The following MYO16 variants were observed in gnomAD, a reference collection of about 807,000 sequenced individuals.
MYO16 encodes the protein unconventional myosin-XVI.
MYO16 carries 94 observed loss-of-function variants against 205.3 expected under a neutral mutation model. The observed-to-expected ratio is 0.46, with a 90% CI of 0.39 to 0.54. MYO16 has a LOEUF of 0.54. Among genes scored for constraint, MYO16 ranks in the 20% least tolerant of loss-of-function variants. The probability of loss-of-function intolerance (pLI) is 0.00; values close to 1 mark genes in which losing one functional copy is unlikely to be tolerated. For synonymous variants in MYO16, 988 were observed against 954.0 expected (o/e 1.04, Z -0.66); for missense variants, 2,315 against 2,387.5 (o/e 0.97, Z 0.63).
intron 27 of MYO16, among the ~76,000 whole-genome samples, chr13:109,074,528 A>G (rs1047684110): frequency 6.6e-6 from 1 of 152,146 alleles, no homozygotes; most frequent in Non-Finnish European, 1.5e-5. Context: ...AAGCCCTCAG[A>G]TCTTGTGAGA....
At chr13:108,927,409 G>A (rs1210711123) in intron 16 of MYO16, among the ~76,000 whole-genome samples, 1 of 152,062 alleles carries the variant, frequency 6.6e-6, no homozygotes, top group Non-Finnish European at 1.5e-5. Flanking sequence ...TAATGGGCCT[G>A]GGGCATGAGC....
chr13:108,890,631 C>T (rs896937675), intron 14 of MYO16, among the ~76,000 whole-genome samples: 4 of 152,126 alleles, frequency 2.6e-5, no homozygotes, highest in East Asian at 3.9e-4. Context: ...CTATCTAGTT[C>T]GGACTCATTG....
chr13:108,967,192 T>C (rs1193673172), intron 20 of MYO16, among the ~76,000 whole-genome samples: 4 of 152,102 alleles, frequency 2.6e-5, no homozygotes, highest in Admixed American at 6.5e-5. Context: ...TATGTATTTG[T>C]AAATTTGGCA....
chr13:108,688,316 C>A (rs775269982), intron 2 of MYO16, among the ~76,000 whole-genome samples: 1 of 152,056 alleles, frequency 6.6e-6, no homozygotes, highest in African/African-American at 2.4e-5. Flanking sequence ...AAGTCGGAAA[C>A]GTTAACTAAA....
At position 108,846,421 on chromosome 13, in the gene MYO16, A is replaced by T. The variant is rs554222985; in HGVS notation, c.1248+1928A>T. The stretch of plus-strand genomic sequence containing the variant: ...GGGTGCTTTCTCTTGTTATATATAA[A>T]CCCATTACTGCTCACCTTTAGCTTT... On this transcript the variant is annotated intron_variant, in intron 10 of 34. Transcript: ENST00000457511. Among the ~76,000 whole-genome samples, 4 of 152,076 alleles carry T rather than the reference A, an allele frequency of 2.6e-5. No homozygotes were observed. In the East Asian group the frequency reaches 7.7e-4, roughly 29 times the overall value.
In MYO16 at chr13:108,800,972, G is replaced by GA. The variant is rs566794977; in HGVS notation, c.742-5700dup. The stretch of plus-strand genomic sequence containing the variant: ...AAAGACCCTTACAATGTAAAAATAT[G>GA]AAAAAAACACAGAAATGTTAATATC... On this transcript the variant is annotated intron_variant, in intron 6 of 34. Transcript: ENST00000457511. Among the ~76,000 whole-genome samples, 810 of 152,016 alleles carry GA rather than the reference G, an allele frequency of 5.3e-3. 5 individuals carry two copies. The highest frequency in any genetic ancestry group is 8.7e-3 in the Non-Finnish European group (589 of 67,946).
chr13:108,692,494 T>C (rs1882936619), intron 2 of MYO16, among the ~76,000 whole-genome samples: 1 of 152,224 alleles, frequency 6.6e-6, no homozygotes. Flanking sequence ...GACAGATAGA[T>C]TGCTCCTGCA....
At chr13:108,994,502 T>A (rs1884940717) in intron 21 of MYO16, among the ~76,000 whole-genome samples, 2 of 152,182 alleles carry the variant, frequency 1.3e-5, no homozygotes, top group Admixed American at 1.3e-4. Flanking sequence ...TAATTTTTTT[T>A]AAGACCATTG....
At chr13:108,967,523 G>C (rs1264432330) in intron 20 of MYO16, among the ~76,000 whole-genome samples, 1 of 152,134 alleles carries the variant, frequency 6.6e-6, no homozygotes, top group African/African-American at 2.4e-5. Flanking sequence ...CTACTGGGGT[G>C]TTGTCCTCTG....
chr13:108,636,350 TTTTTTTTTTTTTTTTTTTTTGTGTGTG>T (rs1210772844), intron 1 of MYO16, among the ~76,000 whole-genome samples: 5 of 22,522 alleles, frequency 2.2e-4, no homozygotes, highest in African/African-American at 8.3e-4. Flanking sequence ...ATTTCCCTTT[TTTTTTTTTTTTTTTTTTTTTGTGTGTG>T]TGTGTGTGTG....
chr13:109,073,275 T>C (rs1887984369), intron 27 of MYO16, among the ~76,000 whole-genome samples: 1 of 151,734 alleles, frequency 6.6e-6, no homozygotes, highest in African/African-American at 2.4e-5. Context: ...CTAATTTTTT[T>C]TTTTTTTGTA....
At chr13:108,544,180 T>C in the MYO16 span, among the ~76,000 whole-genome samples, 1 of 152,098 alleles carries the variant, frequency 6.6e-6, no homozygotes, top group Non-Finnish European at 1.5e-5. Context: ...TATTAATATG[T>C]TTAAATTAAT....
intron 31 of MYO16, among the ~76,000 whole-genome samples, chr13:109,128,768 GTTT>G (rs1172405612): frequency 8.7e-6 from 1 of 115,012 alleles, no homozygotes; most frequent in Non-Finnish European, 1.8e-5. Flanking sequence ...CACTTTTTTA[GTTT>G]TTTTTTTTTT....
At chr13:109,073,663 A>AT (rs1887998159) in intron 27 of MYO16, among the ~76,000 whole-genome samples, 2 of 152,006 alleles carry the variant, frequency 1.3e-5, no homozygotes, top group South Asian at 4.1e-4. Flanking sequence ...TGTATTATCA[A>AT]TTTTTTCTGA....
At chr13:108,888,343 C>G in intron 13 of MYO16, 29 bp from the exon 14 acceptor site, 1 of 1,502,702 alleles carries the variant, frequency 6.7e-7, no homozygotes, top group Middle Eastern at 1.8e-4. Context: ...TTCCTTCAAA[C>G]TTATGTTTTT....
At chr13:108,808,676 T>C (rs190087109) in intron 7 of MYO16, among the ~76,000 whole-genome samples, 1 of 152,170 alleles carries the variant, frequency 6.6e-6, no homozygotes, top group East Asian at 1.9e-4. Context: ...TAGTAAGAAT[T>C]GAGAGACAAG....
Position 109,127,599 on chromosome 13 carries a change from T to A in MYO16, c.4051+49T>A. 6.3e-7 allele frequency: 1 copy of A among 1,583,174 alleles called. No individual in the cohort carries two copies. The highest frequency in any genetic ancestry group is 8.6e-7 in the Non-Finnish European group (1 of 1,169,078). On this transcript the variant is annotated intron_variant, in intron 31 of 34. Coordinates refer to ENST00000457511, the MANE Select transcript of MYO16 (RefSeq NM_001198950.3). The surrounding 1 kb of genome is among the most constrained non-coding windows in gnomAD (Gnocchi z 4.2). ...CCTCGTGTTCCGGGCTCGCGCATGCTCTGACTTCGCCTTGGGGCGCCCATG... is the reference window on the plus strand; with the variant it reads ...CCTCGTGTTCCGGGCTCGCGCATGCACTGACTTCGCCTTGGGGCGCCCATG...
the MYO16 span, among the ~76,000 whole-genome samples, chr13:108,535,738 A>G: frequency 1.2e-4 from 18 of 152,304 alleles, no homozygotes; most frequent in African/African-American, 4.3e-4. Flanking sequence ...CTCAGGTCAA[A>G]CCAGAATTCA....
chr13:108,525,155 G>A, the MYO16 span, among the ~76,000 whole-genome samples: 4 of 152,110 alleles, frequency 2.6e-5, no homozygotes, highest in African/African-American at 4.8e-5. Flanking sequence ...AGGACACCAC[G>A]AGATAACGTG....
Sources: allele counts gnomAD v4.1 joint callset (sites outside exome capture counted in the v4.1 genomes callset), GRCh38; gene constraint gnomAD v4.1.1; non-coding constraint Gnocchi (gnomAD v3.1); transcripts MANE v1.5; gene names NCBI Gene and HGNC (gene_info 2026-07-23, HGNC 2026-07-21).